Variants in PRSS12 observed in about 807,000 individuals in gnomAD.
PRSS12 encodes the protein serine protease 12, also known as neurotrypsin.
PRSS12 carries 85 observed loss-of-function variants against 104.4 expected under a neutral mutation model. The ratio of observed to expected loss-of-function variants is 0.81; its 90% CI spans 0.68 to 0.98. PRSS12 has a LOEUF of 0.98. PRSS12 is among the 50% of genes least tolerant of loss of function. The pLI is 0.00. For missense variants in PRSS12, 1,141 were observed against 1,139.2 expected (o/e 1.00, Z -0.02); for synonymous variants, 454 against 425.2 (o/e 1.07, Z -0.83).
At chr4:118,305,311 T>A (rs1743519089) in intron 8 of PRSS12, among the ~76,000 whole-genome samples, 1 of 151,958 alleles carries the variant, frequency 6.6e-6, no homozygotes, top group Non-Finnish European at 1.5e-5. Context: ...TATAGTAACA[T>A]TAAATTACTG....
At chr4:118,284,845 T>C (rs1231450760) in intron 11 of PRSS12, among the ~76,000 whole-genome samples, 2 of 152,202 alleles carry the variant, frequency 1.3e-5, no homozygotes, top group Non-Finnish European at 1.5e-5. Context: ...GAAGCACGCA[T>C]GTAACAACTT....
Position 118,318,481 on chromosome 4 carries a change from G to T in PRSS12, c.1047C>A (p.Cys349Ter). 3 of 1,614,166 alleles carry T rather than the reference G, an allele frequency of 1.9e-6. No individual in the cohort carries two copies. The highest frequency in any genetic ancestry group is 2.5e-6 in the Non-Finnish European group (3 of 1,180,032). Residue 349 changes from cysteine (C) to a stop codon, truncating the protein, a stop_gained, in exon 5 of 13, where the codon TGC becomes TGA. Transcript: ENST00000296498. LOFTEE classifies it high-confidence loss of function. ...SGPVMLDEVR[C>*]TGNELSIEQC... ...GCTCAATTGAAAGCTCATTCCCAGTGCAGCGTACTTCATCCAACATAACTG... is the reference window on the plus strand; with the variant it reads ...GCTCAATTGAAAGCTCATTCCCAGTTCAGCGTACTTCATCCAACATAACTG...
intron 12 of PRSS12, 28 bp downstream of exon 12, chr4:118,282,803 T>C (rs778160914): frequency 1.9e-6 from 3 of 1,613,262 alleles, no homozygotes; most frequent in Admixed American, 1.7e-5. Context: ...CACAAAAAGG[T>C]GCCCTGCTTT....
intron 1 of PRSS12, among the ~76,000 whole-genome samples, chr4:118,342,975 G>A (rs907316332): frequency 1.4e-4 from 21 of 152,080 alleles, no homozygotes; most frequent in Admixed American, 1.3e-3. Context: ...TAGAGGGACA[G>A]GCATTCAAGA....
chr4:118,293,113 C>T (rs1178573813), intron 11 of PRSS12, among the ~76,000 whole-genome samples: 4 of 151,392 alleles, frequency 2.6e-5, no homozygotes, highest in Non-Finnish European at 5.9e-5. Flanking sequence ...TACTGAAGTA[C>T]AAAAATGGAA....
At chr4:118,299,712 T>TAAATA (rs1206224261) in intron 8 of PRSS12, among the ~76,000 whole-genome samples, 2,564 of 63,694 alleles carry the variant, frequency 0.04, 83 homozygotes, top group Middle Eastern at 0.086. Context: ...ATAAATAAAA[T>TAAATA]AAATAAAATA....
At chr4:118,309,340 A>G (rs2126032483) in intron 7 of PRSS12, among the ~76,000 whole-genome samples, 1 of 152,312 alleles carries the variant, frequency 6.6e-6, no homozygotes, top group Non-Finnish European at 1.5e-5. Flanking sequence ...TTGAATTGTG[A>G]GGTCATTAGG....
rs528081738 is a variant in PRSS12 at position 118,282,070 on chromosome 4, C to G, written c.2494G>C (p.Glu832Gln). The G allele has an allele frequency of 6.2e-6, 10 of 1,614,074 alleles. No individual in the cohort carries two copies. Among genetic ancestry groups the G allele is most frequent in the Non-Finnish European group, 8.5e-6 (10 of 1,180,038 alleles). Residue 832 changes from glutamate to glutamine, a missense_variant, in exon 13 of 13, where the codon GAA becomes CAA. Transcript: ENST00000296498. ...ACCACCCAGCTCTCTCCGGGCCGTT[C>G]ACACATGAGTGGTCCTCCGCTGTCT... Reference protein sequence around the residue: ...QGDSGGPLMCERPGESWVVYG... With the variant: ...QGDSGGPLMCQRPGESWVVYG...
chr4:118,335,351 C>G, intron 3 of PRSS12, 122 bp downstream of exon 3: 1 of 1,162,620 alleles, frequency 8.6e-7, no homozygotes, highest in Non-Finnish European at 1.2e-6. Context: ...TATTTTGACT[C>G]AGACTTATTT....
chr4:118,331,426 T>C (rs1445855776), intron 4 of PRSS12, among the ~76,000 whole-genome samples: 1 of 152,160 alleles, frequency 6.6e-6, no homozygotes, highest in Non-Finnish European at 1.5e-5. Context: ...CACTATAGTT[T>C]ACAGTGCTGG....
At chr4:118,347,385 T>G (rs948123922) in intron 1 of PRSS12, among the ~76,000 whole-genome samples, 1 of 152,182 alleles carries the variant, frequency 6.6e-6, no homozygotes, top group Non-Finnish European at 1.5e-5. Context: ...GTCCTCTATC[T>G]CTATTTCAAT....
chr4:118,326,335 C>T (rs901145863), intron 4 of PRSS12, among the ~76,000 whole-genome samples: 14 of 152,222 alleles, frequency 9.2e-5, no homozygotes, highest in Admixed American at 2.0e-4. Context: ...GCATGCCTGG[C>T]ACTGGTCTAA....
At position 118,318,487 on chromosome 4, in the gene PRSS12, T is replaced by A. The variant is rs1221096492; in HGVS notation, c.1041A>T (p.Val347=). ...EGSGPVMLDE[V]RCTGNELSIE... ...TTGAAAGCTCATTCCCAGTGCAGCG[T>A]ACTTCATCCAACATAACTGGGCCAG... The change falls in exon 5 of 13, where the codon GTA becomes GTT. Residue 347 remains valine, a synonymous_variant. Transcript: ENST00000296498. The A allele has an allele frequency of 6.2e-7, 1 of 1,614,058 alleles. No individual in the cohort carries two copies. The highest frequency in any genetic ancestry group is 8.5e-7 in the Non-Finnish European group (1 of 1,180,026).
chr4:118,313,896 A>G (rs1312463246), intron 6 of PRSS12, among the ~76,000 whole-genome samples: 2 of 152,210 alleles, frequency 1.3e-5, no homozygotes, highest in African/African-American at 4.8e-5. Flanking sequence ...GCCCATCAAA[A>G]TCAGAATTAT....
intron 11 of PRSS12, among the ~76,000 whole-genome samples, chr4:118,288,017 AAAC>A (rs59543813): frequency 6.6e-6 from 1 of 152,198 alleles, no homozygotes; most frequent in Non-Finnish European, 1.5e-5. Flanking sequence ...AGGCTAAAGT[AAAC>A]AACAACAACA....
chr4:118,285,491 G>A (rs1742992709), intron 11 of PRSS12, among the ~76,000 whole-genome samples: 1 of 152,000 alleles, frequency 6.6e-6, no homozygotes, highest in Admixed American at 6.6e-5. Context: ...TGAAAGTACT[G>A]CTGAAATGTT....
At chr4:118,349,932 G>A (rs1724450734) in intron 1 of PRSS12, among the ~76,000 whole-genome samples, 1 of 152,166 alleles carries the variant, frequency 6.6e-6, no homozygotes, top group Non-Finnish European at 1.5e-5. Context: ...GAACCAGGGA[G>A]GCGGAGGTTG....
In PRSS12 at chr4:118,335,475, T is replaced by C. The variant is rs754501119; in HGVS notation, c.818A>G (p.His273Arg). Residue 273 changes from histidine to arginine, a missense_variant and splice_region_variant, in exon 3 of 13, where the codon CAT (histidine) becomes CGT (arginine). His to Arg is a conservative substitution (Grantham distance 29, BLOSUM62 0). Transcript: ENST00000296498. ...CAGAACTTTTTTCTTTTTTTTACCA[T>C]GGGAAAAGCTACACGTGACAGCAGC... is the stretch of plus-strand genomic sequence containing the variant. ...MAAAVTCSFS[H>R]GPTFPIIRLA... is the part of the protein sequence containing the mutation. The C allele has an allele frequency of 8.7e-6, 14 of 1,613,704 alleles. No homozygotes were observed. Among genetic ancestry groups the C allele is most frequent in the Non-Finnish European group, 1.2e-5 (14 of 1,179,848 alleles).
chr4:118,298,132 C>T lies in PRSS12; in HGVS notation c.1837+601G>A, dbSNP rs540094344. ...TAGCCTGGGTGACAGAGCAAGACTCCGTCTCAACAAAAAAAAAAAAAAAAA... is the reference window on the plus strand; with the variant it reads ...TAGCCTGGGTGACAGAGCAAGACTCTGTCTCAACAAAAAAAAAAAAAAAAA... On this transcript the variant is annotated intron_variant, in intron 9 of 12. Transcript: ENST00000296498. Among the ~76,000 whole-genome samples, 732 of 142,512 alleles carry T rather than the reference C, an allele frequency of 5.1e-3. 5 individuals carry two copies. Among genetic ancestry groups the T allele is most frequent in the African/African-American group, 0.018 (694 of 38,084 alleles). The allele number at this position is 142,512 out of a possible 152,430, so 93.5% of individuals were successfully genotyped here.
Sources: allele counts gnomAD v4.1 joint callset (sites outside exome capture counted in the v4.1 genomes callset), GRCh38; gene constraint gnomAD v4.1.1; transcripts MANE v1.5; gene names NCBI Gene and HGNC (gene_info 2026-07-23, HGNC 2026-07-21).